Variants in PLXNA4 observed in about 807,000 individuals in gnomAD.
PLXNA4 encodes the protein plexin A4, also known as plexin-A4.
In PLXNA4, 44 loss-of-function variants were observed where a neutral mutation model predicts 191.8. The ratio of observed to expected loss-of-function variants is 0.23; its 90% confidence interval spans 0.18 to 0.29. The LOEUF (loss-of-function observed/expected upper bound fraction) is 0.29. Ranked by LOEUF, PLXNA4 falls within the 10% of genes least tolerant of loss-of-function variation. The pLI, the probability that PLXNA4 is intolerant of heterozygous loss-of-function variation, is 1.00. For synonymous variants in PLXNA4, 1,082 were observed against 1,009.5 expected (o/e 1.07, Z -1.36); for missense variants, 1,800 against 2,488.8 (o/e 0.72, Z 5.89).
In PLXNA4 at chr7:132,318,827, G is replaced by C. The variant is rs141005962; in HGVS notation, c.1372-20605C>G. ...GCTCTGTTCTGTGGTGTATATGTAG[G>C]TATGTGTGTGCGCGGGTCTCTGCCT... On this transcript the variant is annotated intron_variant, in intron 3 of 31. Transcript: ENST00000321063. Among the ~76,000 whole-genome samples the C allele has an allele frequency of 5.5e-4, 84 of 152,222 alleles. No individual in the cohort carries two copies. In the East Asian group the frequency reaches 0.012, roughly 22 times the overall value.
chr7:132,526,337 C>T (rs535316353), intron 1 of PLXNA4, among the ~76,000 whole-genome samples: 10 of 152,294 alleles, frequency 6.6e-5, no homozygotes, highest in Middle Eastern at 3.4e-3. Context: ...GATGCCTGCA[C>T]GCCTGTGACA....
intron 1 of PLXNA4, among the ~76,000 whole-genome samples, chr7:132,536,396 C>A (rs1799833379): frequency 6.6e-6 from 1 of 152,130 alleles, no homozygotes; most frequent in Non-Finnish European, 1.5e-5. Flanking sequence ...ACTAAATTCC[C>A]CTCCCTAAGC....
chr7:132,356,460 G>A (rs1321892033), intron 3 of PLXNA4, among the ~76,000 whole-genome samples: 1 of 152,218 alleles, frequency 6.6e-6, no homozygotes, highest in East Asian at 1.9e-4. Flanking sequence ...GAAGGTTCAT[G>A]TTTTGAAGAT....
intron 3 of PLXNA4, among the ~76,000 whole-genome samples, chr7:132,430,900 C>T (rs764247659): frequency 1.3e-5 from 2 of 152,180 alleles, no homozygotes; most frequent in African/African-American, 2.4e-5. Context: ...GCAGCAGCCT[C>T]GGCCACACCG....
chr7:132,566,405 C>G (rs892487485), intron 1 of PLXNA4, among the ~76,000 whole-genome samples: 2 of 152,126 alleles, frequency 1.3e-5, no homozygotes, highest in Non-Finnish European at 2.9e-5. Context: ...AGGTCACTAC[C>G]CAGTGGTGGA....
At chr7:132,353,714 CTA>C (rs755342462) in intron 3 of PLXNA4, among the ~76,000 whole-genome samples, 2 of 152,134 alleles carry the variant, frequency 1.3e-5, no homozygotes, top group Non-Finnish European at 2.9e-5. Flanking sequence ...CCCAATAAGT[CTA>C]TGAATGACTT....
intron 3 of PLXNA4, among the ~76,000 whole-genome samples, chr7:132,481,516 C>A (rs112907224): frequency 0.027 from 3,988 of 150,424 alleles, 127 homozygotes; most frequent in African/African-American, 0.075. Flanking sequence ...ACCCCACCCC[C>A]AAAAAAAAAC....
chr7:132,145,799 G>A (rs893685495), intron 28 of PLXNA4, among the ~76,000 whole-genome samples: 4 of 151,820 alleles, frequency 2.6e-5, no homozygotes, highest in African/African-American at 7.3e-5. Context: ...GGCCAGACAC[G>A]GTGGCTCATG....
chr7:132,297,753 T>C (rs1419599680), intron 4 of PLXNA4, among the ~76,000 whole-genome samples: 3 of 152,154 alleles, frequency 2.0e-5, no homozygotes, highest in Non-Finnish European at 4.4e-5. Context: ...TGAGGTAGCA[T>C]TTTGTATAGG....
At chr7:132,204,156 C>T (rs1797535767) in intron 10 of PLXNA4, among the ~76,000 whole-genome samples, 1 of 152,152 alleles carries the variant, frequency 6.6e-6, no homozygotes, top group East Asian at 1.9e-4. Flanking sequence ...CTCCTGTCCT[C>T]GGAGGGCTCC....
intron 3 of PLXNA4, among the ~76,000 whole-genome samples, chr7:132,435,307 G>A (rs1298245520): frequency 6.6e-6 from 1 of 152,112 alleles, no homozygotes; most frequent in Non-Finnish European, 1.5e-5. Context: ...GGTGGGGAGG[G>A]GGGAGAGATT....
chr7:132,436,684 G>C (rs916880948), intron 3 of PLXNA4, among the ~76,000 whole-genome samples: 1 of 152,222 alleles, frequency 6.6e-6, no homozygotes, highest in African/African-American at 2.4e-5. Flanking sequence ...GATGGCTGCT[G>C]AGCCAAGAGA....
chr7:132,162,984 T>C (rs565539197), intron 24 of PLXNA4, among the ~76,000 whole-genome samples: 3 of 152,280 alleles, frequency 2.0e-5, no homozygotes, highest in East Asian at 1.9e-4. Context: ...AGTACTACAA[T>C]GCCCCAGCCT....
intron 2 of PLXNA4, among the ~76,000 whole-genome samples, chr7:132,604,215 G>T (rs1278702026): frequency 6.6e-6 from 1 of 152,180 alleles, no homozygotes; most frequent in African/African-American, 2.4e-5. Flanking sequence ...CTGGATGAGT[G>T]CTGAGAGAAA....
At chr7:132,131,489 T>A (rs1271876388) in intron 31 of PLXNA4, among the ~76,000 whole-genome samples, 2 of 151,348 alleles carry the variant, frequency 1.3e-5, no homozygotes, top group African/African-American at 4.9e-5. Context: ...TGTTGTAGTT[T>A]GAGGGGCAGG....
At chr7:132,556,230 G>T (rs1456145015) in intron 1 of PLXNA4, among the ~76,000 whole-genome samples, 1 of 152,194 alleles carries the variant, frequency 6.6e-6, no homozygotes, top group East Asian at 1.9e-4. Context: ...ACCACACCCT[G>T]GGGCCAGAGA....
intron 5 of PLXNA4, among the ~76,000 whole-genome samples, chr7:132,234,540 T>A (rs562124122): frequency 2.2e-4 from 34 of 151,602 alleles, no homozygotes; most frequent in African/African-American, 7.3e-4. Flanking sequence ...CTTTTCTAAT[T>A]TATATGGGAA....
At chr7:132,217,328 A>G (rs765978952) in intron 9 of PLXNA4, among the ~76,000 whole-genome samples, 23 of 152,262 alleles carry the variant, frequency 1.5e-4, no homozygotes, top group Non-Finnish European at 2.8e-4. Context: ...TAAAGAATGC[A>G]GCCTAGCTGG....
intron 21 of PLXNA4, among the ~76,000 whole-genome samples, chr7:132,172,086 G>A (rs751604623): frequency 3.3e-5 from 5 of 152,152 alleles, no homozygotes; most frequent in Non-Finnish European, 5.9e-5. Context: ...TGGAAGTGAA[G>A]TGTCTTGGTC....
Sources: gnomAD v4.1 joint callset for allele counts (sites outside exome capture counted in the v4.1 genomes callset) on GRCh38, gnomAD v4.1.1 for gene constraint, MANE v1.5 for transcripts, NCBI Gene and HGNC (gene_info 2026-07-23, HGNC 2026-07-21) for gene names.